The following ACVR2A variants were observed in gnomAD, a reference collection of about 807,000 sequenced individuals.
ACVR2A encodes the protein activin A receptor type 2A.
ACVR2A carries 7 observed loss-of-function variants against 61.4 expected under a neutral mutation model. The ratio of observed to expected loss-of-function variants is 0.11; its 90% CI spans 0.06 to 0.21. The LOEUF (loss-of-function observed/expected upper bound fraction) is 0.21. Ranked by LOEUF, ACVR2A falls within the 10% of genes least tolerant of loss-of-function variation. The pLI is 1.00. For missense variants in ACVR2A, 322 were observed against 621.7 expected, an observed-to-expected ratio of 0.52 and a Z score of 5.13; for synonymous variants, 193 against 208.3, an observed-to-expected ratio of 0.93 and a Z score of 0.63.
chr2:147,898,846 T>C (rs1025695607), intron 2 of ACVR2A, among the ~76,000 whole-genome samples: 1 of 152,128 alleles, frequency 6.6e-6, no homozygotes, highest in African/African-American at 2.4e-5. Context: ...TTTCTACTTA[T>C]TGCTGCTCAT....
chr2:147,869,484 TG>T (rs1190963298), intron 1 of ACVR2A, among the ~76,000 whole-genome samples: 1 of 152,154 alleles, frequency 6.6e-6, no homozygotes, highest in Non-Finnish European at 1.5e-5. Context: ...TGAATGTGTT[TG>T]GGAAACTGTT....
At chr2:147,871,660 A>G (rs1686022037) in intron 1 of ACVR2A, among the ~76,000 whole-genome samples, 1 of 152,114 alleles carries the variant, frequency 6.6e-6, no homozygotes, top group Non-Finnish European at 1.5e-5. Flanking sequence ...CTGCCTTTTC[A>G]GTTTCAATGG....
Position 147,899,319 on chromosome 2 carries a change from A to G in ACVR2A, c.264-139A>G, listed in dbSNP as rs1686817690. ...AATCCAGGAACATTTTTGGTTTTTAAGAATTATTAGATATAAATACGAATC... is the reference window on the plus strand; with the variant it reads ...AATCCAGGAACATTTTTGGTTTTTAGGAATTATTAGATATAAATACGAATC... On this transcript the variant is annotated intron_variant, in intron 2 of 10. Transcript: ENST00000241416. 1.0e-5 allele frequency: 6 copies of G among 579,682 alleles called. No homozygotes were observed. The South Asian group carries it at 2.9e-4, about 28-fold the overall frequency. 35.9% of individuals were successfully genotyped at this position (579,682 alleles called of 1,614,324 possible).
At chr2:147,913,496 C>T (rs1687169880) in intron 4 of ACVR2A, among the ~76,000 whole-genome samples, 1 of 151,890 alleles carries the variant, frequency 6.6e-6, no homozygotes. Flanking sequence ...TATACAATAA[C>T]TCTTTGCCCT....
intron 1 of ACVR2A, among the ~76,000 whole-genome samples, chr2:147,885,483 A>G (rs1686408597): frequency 6.6e-6 from 1 of 152,158 alleles, no homozygotes; most frequent in Non-Finnish European, 1.5e-5. Flanking sequence ...GTTGTGAAAA[A>G]AGCCTTTACA....
At chr2:147,922,252 C>CT (rs1188984297) in intron 8 of ACVR2A, among the ~76,000 whole-genome samples, 2 of 152,026 alleles carry the variant, frequency 1.3e-5, no homozygotes, top group Non-Finnish European at 2.9e-5. Flanking sequence ...AATTGCCCAA[C>CT]TTTTAGTCTA....
chr2:147,917,899 A>G (rs985163762), intron 6 of ACVR2A, among the ~76,000 whole-genome samples: 1 of 151,850 alleles, frequency 6.6e-6, no homozygotes, highest in African/African-American at 2.4e-5. Flanking sequence ...CAATTTTTCT[A>G]CTTTTAGAGT....
chr2:147,857,241 T>C (rs571208124), intron 1 of ACVR2A, among the ~76,000 whole-genome samples: 1 of 152,276 alleles, frequency 6.6e-6, no homozygotes, highest in East Asian at 1.9e-4. Flanking sequence ...TTTTTCACTA[T>C]TGTATCCCTA....
intron 4 of ACVR2A, among the ~76,000 whole-genome samples, chr2:147,904,562 T>C (rs1686942224): frequency 6.6e-6 from 1 of 151,984 alleles, no homozygotes; most frequent in South Asian, 2.1e-4. Flanking sequence ...ATCTTTATGA[T>C]AGTTTGTCTA....
intron 4 of ACVR2A, 63 bp from the exon 5 acceptor site, chr2:147,915,128 A>G: frequency 2.0e-6 from 3 of 1,521,912 alleles, no homozygotes; most frequent in South Asian, 1.2e-5. Flanking sequence ...TTTTTTTCTC[A>G]TTTTCAGAGT....
chr2:147,903,685 A>C (rs1686924157), intron 4 of ACVR2A, among the ~76,000 whole-genome samples: 2 of 151,918 alleles, frequency 1.3e-5, no homozygotes, highest in Admixed American at 6.6e-5. Flanking sequence ...TGCATCTAAC[A>C]TTGTATTAGT....
chr2:147,885,465 T>C (rs1224724458), intron 1 of ACVR2A, among the ~76,000 whole-genome samples: 1 of 152,130 alleles, frequency 6.6e-6, no homozygotes, highest in Non-Finnish European at 1.5e-5. Flanking sequence ...GTTATACTCT[T>C]ATAAGTTGTT....
chr2:147,847,203 C>T (rs1040103349), intron 1 of ACVR2A, among the ~76,000 whole-genome samples: 17 of 151,976 alleles, frequency 1.1e-4, no homozygotes, highest in Admixed American at 1.1e-3. Context: ...GTTGCATAGG[C>T]TTTTTAAGAT....
chr2:147,860,553 G>A (rs1685703744), intron 1 of ACVR2A, among the ~76,000 whole-genome samples: 1 of 152,152 alleles, frequency 6.6e-6, no homozygotes, highest in South Asian at 2.1e-4. Context: ...CATAATATAT[G>A]TCTTTTAAGA....
chr2:147,897,304 G>A (rs547647413), intron 2 of ACVR2A, among the ~76,000 whole-genome samples: 8 of 152,168 alleles, frequency 5.3e-5, no homozygotes, highest in East Asian at 1.9e-4. Flanking sequence ...CACCATGCCT[G>A]GTCTACCCCA....
rs961454717 is a variant in ACVR2A at position 147,928,324 on chromosome 2, CCAAA to C, written c.*1053_*1056del. 3.9e-5 allele frequency: 6 copies of C among 152,184 alleles called. No individual in the cohort carries two copies. The highest frequency in any genetic ancestry group is 3.9e-4 in the East Asian group (2 of 5,150). 9.4% of individuals were successfully genotyped at this position (152,184 alleles called of 1,614,324 possible). On this transcript the variant is annotated 3_prime_UTR_variant, in exon 11 of 11. Coordinates refer to ENST00000241416, the MANE Select transcript of ACVR2A (RefSeq NM_001616.5). Reference sequence around the variant, plus strand: ...TAAAATTGTAGTGTATTTCTTTTCACCAAACAGTGTGTGGGACATTCTTTATCAC... The same window carrying C: ...TAAAATTGTAGTGTATTTCTTTTCACCAGTGTGTGGGACATTCTTTATCAC...
Position 147,927,241 on chromosome 2 carries a change from T to C in ACVR2A, c.1509T>C (p.Asn503=). 6.2e-7 allele frequency: 1 copy of C among 1,611,614 alleles called. No homozygotes were observed. The highest frequency in any genetic ancestry group is 8.5e-7 in the Non-Finnish European group (1 of 1,178,500). The change falls in exon 11 of 11, where the codon AAT becomes AAC. Residue 503 remains asparagine (N), a synonymous_variant. Transcript: ENST00000241416. ...TAACAGTGGTCACAATGGTGACAAA[T>C]GTTGACTTTCCTCCCAAAGAATCTA... ...DIVTVVTMVT[N]VDFPPKESSL
Position 147,901,837 on chromosome 2 carries a change from T to C in ACVR2A, c.528+1939T>C, listed in dbSNP as rs117456272. 4.0e-3 allele frequency among the ~76,000 whole-genome samples: 613 copies of C among 152,186 alleles called. 2 individuals carry two copies. Among genetic ancestry groups the C allele is most frequent in the East Asian group, 8.3e-3 (43 of 5,184 alleles). On this transcript the variant is annotated intron_variant, in intron 4 of 10. Transcript: ENST00000241416. ...GTGGAACTTCACTTTTGTCATCTTT[T>C]GCAGTCTCTGAAGCAGTATGGTTTC... is the stretch of plus-strand genomic sequence containing the variant.
At chr2:147,883,944 A>G (rs1047643488) in intron 1 of ACVR2A, among the ~76,000 whole-genome samples, 18 of 152,266 alleles carry the variant, frequency 1.2e-4, no homozygotes, top group African/African-American at 4.3e-4. Context: ...TATTAAAAAG[A>G]GGGCCTGCAT....
Sources: allele counts gnomAD v4.1 joint callset (sites outside exome capture counted in the v4.1 genomes callset), GRCh38; gene constraint gnomAD v4.1.1; transcripts MANE v1.5; gene names NCBI Gene and HGNC (gene_info 2026-07-23, HGNC 2026-07-21).